Variants in CNTNAP2 observed in about 807,000 individuals in gnomAD.
The protein encoded by CNTNAP2 is contactin-associated protein-like 2.
A neutral mutation model predicts 155.2 loss-of-function variants in CNTNAP2; 98 were observed. That is an observed-to-expected ratio of 0.63 (90% CI 0.54 to 0.75). The LOEUF is 0.75. Among genes scored for constraint, CNTNAP2 ranks in the 30% least tolerant of loss-of-function variants. The probability of loss-of-function intolerance (pLI) is 0.00; values close to 1 mark genes in which losing one functional copy is unlikely to be tolerated. For synonymous variants in CNTNAP2, 651 were observed against 631.2 expected, an observed-to-expected ratio of 1.03 and a Z score of -0.47; for missense variants, 1,727 against 1,688.1, an observed-to-expected ratio of 1.02 and a Z score of -0.40.
At chr7:148,294,224 T>G (rs1363492176) in intron 21 of CNTNAP2, among the ~76,000 whole-genome samples, 2 of 152,116 alleles carry the variant, frequency 1.3e-5, no homozygotes, top group African/African-American at 4.8e-5. Flanking sequence ...GGCACCCATC[T>G]CTGCAAGAAA....
intron 8 of CNTNAP2, among the ~76,000 whole-genome samples, chr7:147,186,451 G>C (rs1475399115): frequency 2.0e-5 from 3 of 152,174 alleles, no homozygotes; most frequent in African/African-American, 4.8e-5. Flanking sequence ...CTGAGGTTTA[G>C]AGAAGCCAAG....
intron 13 of CNTNAP2, among the ~76,000 whole-genome samples, chr7:147,702,830 A>T (rs974624798): frequency 6.6e-6 from 1 of 151,980 alleles, no homozygotes; most frequent in African/African-American, 2.4e-5. Flanking sequence ...TGGTCTTGAA[A>T]TCCTTAATGT....
At chr7:146,325,818 T>C (rs1255185840) in intron 1 of CNTNAP2, among the ~76,000 whole-genome samples, 1 of 152,168 alleles carries the variant, frequency 6.6e-6, no homozygotes, top group Non-Finnish European at 1.5e-5. Flanking sequence ...ACACATCATG[T>C]GCACATAGTT....
At chr7:146,790,643 C>T (rs1335831316) in intron 2 of CNTNAP2, among the ~76,000 whole-genome samples, 1 of 150,738 alleles carries the variant, frequency 6.6e-6, no homozygotes, top group Non-Finnish European at 1.5e-5. Context: ...GATCTCAGCT[C>T]ACTGCAAGCT....
intron 1 of CNTNAP2, among the ~76,000 whole-genome samples, chr7:146,315,585 G>A (rs1306425344): frequency 6.6e-6 from 1 of 152,184 alleles, no homozygotes; most frequent in Non-Finnish European, 1.5e-5. Flanking sequence ...TGGTGTGTCT[G>A]TGGGAGGAGG....
At chr7:146,710,124 T>C (rs1276345616) in intron 1 of CNTNAP2, among the ~76,000 whole-genome samples, 1 of 152,050 alleles carries the variant, frequency 6.6e-6, no homozygotes, top group East Asian at 1.9e-4. Context: ...TGGCTCACAA[T>C]TGGAAAGCAG....
chr7:147,347,457 C>CT (rs1795891460), intron 9 of CNTNAP2, among the ~76,000 whole-genome samples: 1 of 50,004 alleles, frequency 2.0e-5, no homozygotes, highest in South Asian at 1.2e-3. Context: ...TATATATATG[C>CT]ATATATATAT....
At chr7:147,489,509 C>T (rs1388166293) in intron 11 of CNTNAP2, among the ~76,000 whole-genome samples, 1 of 152,158 alleles carries the variant, frequency 6.6e-6, no homozygotes, top group Non-Finnish European at 1.5e-5. Flanking sequence ...TGAATAGTAG[C>T]ATATCTGAAC....
Position 147,975,108 on chromosome 7 carries a change from AT to A in CNTNAP2, c.2256-2747del, listed in dbSNP as rs202045014. On this transcript the variant is annotated intron_variant, in intron 14 of 23. Coordinates refer to ENST00000361727, the MANE Select transcript of CNTNAP2 (RefSeq NM_014141.6). The stretch of plus-strand genomic sequence containing the variant: ...AATTTTTTGTATTACGTATAATACA[AT>A]TTTTTTGTATTATGTATAATATTTT... 6.5e-3 allele frequency among the ~76,000 whole-genome samples: 725 copies of A among 111,820 alleles called. 2 individuals are homozygous for A. The highest frequency in any genetic ancestry group is 0.011 in the Non-Finnish European group (549 of 47,818). 73.4% of individuals were successfully genotyped at this position (111,820 alleles called of 152,430 possible).
At chr7:147,431,979 C>G (rs1797473454) in intron 10 of CNTNAP2, among the ~76,000 whole-genome samples, 1 of 152,174 alleles carries the variant, frequency 6.6e-6, no homozygotes, top group South Asian at 2.1e-4. Context: ...TTCAGTATAT[C>G]TGGGTTTGTT....
At chr7:146,332,010 C>T (rs185174057) in intron 1 of CNTNAP2, among the ~76,000 whole-genome samples, 4 of 152,002 alleles carry the variant, frequency 2.6e-5, no homozygotes, top group East Asian at 1.9e-4. Context: ...TTTATTACCA[C>T]GTACATATAT....
chr7:148,008,612 G>A (rs1330557870), intron 15 of CNTNAP2, among the ~76,000 whole-genome samples: 1 of 152,062 alleles, frequency 6.6e-6, no homozygotes, highest in East Asian at 1.9e-4. Context: ...TTCCTTTAAT[G>A]CGAAATGTTA....
At chr7:147,404,441 T>C (rs1158974397) in intron 10 of CNTNAP2, among the ~76,000 whole-genome samples, 1 of 152,214 alleles carries the variant, frequency 6.6e-6, no homozygotes, top group Non-Finnish European at 1.5e-5. Flanking sequence ...TTGTGATTCT[T>C]TCAGGTAGAT....
chr7:147,919,088 T>C (rs1026018641), intron 14 of CNTNAP2, among the ~76,000 whole-genome samples: 4 of 152,108 alleles, frequency 2.6e-5, no homozygotes, highest in Non-Finnish European at 4.4e-5. Context: ...GATGCTATAT[T>C]GCTGGCTTTG....
intron 1 of CNTNAP2, among the ~76,000 whole-genome samples, chr7:146,602,888 C>A (rs1339132976): frequency 2.1e-5 from 3 of 143,784 alleles, no homozygotes; most frequent in Admixed American, 2.0e-4. Flanking sequence ...GTCATTCTAT[C>A]TTGGAGGTCT....
intron 1 of CNTNAP2, among the ~76,000 whole-genome samples, chr7:146,505,060 C>T (rs569426558): frequency 6.6e-6 from 1 of 152,320 alleles, no homozygotes; most frequent in South Asian, 2.1e-4. Context: ...TACAGGTCAG[C>T]CAGGAAGCAA....
chr7:147,525,951 G>A (rs1005126723), intron 11 of CNTNAP2, among the ~76,000 whole-genome samples: 3 of 152,040 alleles, frequency 2.0e-5, no homozygotes, highest in Non-Finnish European at 2.9e-5. Context: ...CCAGCACTTC[G>A]GAAGGTTGAG....
intron 14 of CNTNAP2, among the ~76,000 whole-genome samples, 175 bp downstream of exon 14, chr7:147,903,896 A>T (rs1417483078): frequency 6.6e-6 from 1 of 152,244 alleles, no homozygotes; most frequent in East Asian, 1.9e-4. Context: ...ATAAAAGCAG[A>T]AAGAGGTCAG....
At chr7:147,964,188 C>T (rs974742979) in intron 14 of CNTNAP2, among the ~76,000 whole-genome samples, 3 of 152,070 alleles carry the variant, frequency 2.0e-5, no homozygotes, top group African/African-American at 7.2e-5. Context: ...GGGAAGGTGG[C>T]CCTCCACAAG....
Sources: allele counts gnomAD v4.1 joint callset (sites outside exome capture counted in the v4.1 genomes callset), GRCh38; gene constraint gnomAD v4.1.1; transcripts MANE v1.5; gene names NCBI Gene and HGNC (gene_info 2026-07-23, HGNC 2026-07-21).